Variants in BRD4 observed in about 807,000 individuals in gnomAD.
BRD4 encodes the protein bromodomain-containing protein 4.
A neutral mutation model predicts 142.1 loss-of-function variants in BRD4; 16 were observed. That is an observed-to-expected ratio of 0.11 (90% confidence interval 0.08 to 0.17). The LOEUF (loss-of-function observed/expected upper bound fraction) is 0.17, where lower values mean the gene tolerates loss of function less well. BRD4 is among the 10% of genes least tolerant of loss of function. BRD4 has a pLI of 1.00. For synonymous variants in BRD4, 833 were observed against 707.5 expected, an observed-to-expected ratio of 1.18 and a Z score of -2.82; for missense variants, 1,424 against 1,810.9, an observed-to-expected ratio of 0.79 and a Z score of 3.88.
chr19:15,239,293 A>AG lies in BRD4; in HGVS notation c.3577-30dup. 6.2e-7 allele frequency: 1 copy of AG among 1,612,782 alleles called. No individual in the cohort carries two copies. The highest frequency in any genetic ancestry group is 8.5e-7 in the Non-Finnish European group (1 of 1,179,458). ...CAGAACAGAGAGGTTGGGGTGGGTG[A>AG]GGGGTCTGCTGTGCCTAAAGGGCAT... On this transcript the variant is annotated intron_variant, in intron 17 of 19. Coordinates refer to ENST00000679869, the MANE Select transcript of BRD4 (RefSeq NM_001379291.1). This position sits in a 1 kb window ranked among gnomAD's most constrained non-coding sequence, Gnocchi z 7.4.
At chr19:15,244,902 G>A (rs2047272330) in intron 11 of BRD4, 140 bp from the exon 12 acceptor site, 3 of 1,442,082 alleles carry the variant, frequency 2.1e-6, no homozygotes, top group Admixed American at 4.3e-5. Context: ...GTTCAATGAG[G>A]GATGAGTTGG....
intron 1 of BRD4, among the ~76,000 whole-genome samples, chr19:15,328,904 G>C (rs1251123690): frequency 6.6e-6 from 1 of 152,184 alleles, no homozygotes; most frequent in African/African-American, 2.4e-5. Context: ...CTCCCGAGTA[G>C]CTGGGATTAC....
Position 15,239,360 on chromosome 19 carries a change from GGCAA to G in BRD4, c.3576+28_3576+31del. The G allele has an allele frequency of 6.2e-7, 1 of 1,614,154 alleles. No individual in the cohort carries two copies. Among genetic ancestry groups the G allele is most frequent in the Non-Finnish European group, 8.5e-7 (1 of 1,180,034 alleles). On this transcript the variant is annotated intron_variant, in intron 17 of 19. Transcript: ENST00000679869. This position sits in a 1 kb window ranked among gnomAD's most constrained non-coding sequence, Gnocchi z 7.4. ...AGCATGGCACCTTCCAGGGCCAAGG[GGCAA>G]GCGACACCCATGGACCTCCATCCCA...
Position 15,264,672 on chromosome 19 carries a change from G to A in BRD4, c.944C>T (p.Thr315Ile). ...CTCCCGCCGCTGGCCCAGCTTGGTG[G>A]TCTTGGGCTCCGGGGGCAGCGAGGG... ...EPPSLPPEPKTTKLGQRRESS... is the reference protein window; with the variant it reads ...EPPSLPPEPKITKLGQRRESS... The change falls in exon 6 of 20, where the codon ACC becomes ATC. Residue 315 changes from threonine (T) to isoleucine (I), a missense_variant. Physicochemically the swap from Thr to Ile is moderately conservative, Grantham distance 89. Around this residue, in one of 16 missense-constraint regions of BRD4, gnomAD observed 86 missense variants for 79.9 expected, o/e 1.08. Coordinates refer to ENST00000679869, the MANE Select transcript of BRD4 (RefSeq NM_001379291.1). 1 of 1,613,666 alleles carries A rather than the reference G, an allele frequency of 6.2e-7. No individual in the cohort carries two copies. The highest frequency in any genetic ancestry group is 8.5e-7 in the Non-Finnish European group (1 of 1,180,022).
intron 1 of BRD4, among the ~76,000 whole-genome samples, chr19:15,284,319 G>A (rs1048503888): frequency 6.6e-5 from 10 of 152,180 alleles, no homozygotes; most frequent in African/African-American, 2.2e-4. Flanking sequence ...CGCAGAATGT[G>A]ACACTAAATT....
chr19:15,319,956 A>T (rs1389072739), intron 1 of BRD4, among the ~76,000 whole-genome samples: 1 of 152,146 alleles, frequency 6.6e-6, no homozygotes, highest in African/African-American at 2.4e-5. Context: ...CAAAACAAAA[A>T]AGCCATCAAT....
At chr19:15,286,205 C>G (rs909755533) in intron 1 of BRD4, among the ~76,000 whole-genome samples, 1 of 152,208 alleles carries the variant, frequency 6.6e-6, no homozygotes, top group African/African-American at 2.4e-5. Context: ...TCAGTCCAGT[C>G]CCCTCCACCC....
Position 15,243,221 on chromosome 19 carries a change from C to A in BRD4, c.2848G>T (p.Val950Leu). ...AGGGGGGGTGGGGGCTGGGACTGCACCTTCACGGAAGGGAGTAGCGGCGTA... is the reference window on the plus strand; with the variant it reads ...AGGGGGGGTGGGGGCTGGGACTGCAACTTCACGGAAGGGAGTAGCGGCGTA... ...PPTPLLPSVK[V>L]QSQPPPPLPP... Residue 950 changes from valine (V) to leucine (L), a missense_variant, in exon 14 of 20, where the codon GTG becomes TTG. This residue lies in a region of BRD4 where 598 missense variants were observed against 647.8 expected (regional missense o/e 0.92). Transcript: ENST00000679869. 3 of 1,373,452 alleles carry A rather than the reference C, an allele frequency of 2.2e-6. No homozygotes were observed. The highest frequency in any genetic ancestry group is 2.5e-5 in the Admixed American group (1 of 39,288). The allele number at this position is 1,373,452 out of a possible 1,614,324, so 85.1% of individuals were successfully genotyped here. A position where few individuals can be genotyped will look rare whatever the true frequency, so the allele number is the denominator to read the frequency against.
At position 15,254,177 on chromosome 19, in the gene BRD4, G is replaced by A. The variant is rs774752818; in HGVS notation, c.2133C>T (p.Ser711=). The A allele has an allele frequency of 6.2e-7, 1 of 1,614,204 alleles. No individual in the cohort carries two copies. The highest frequency in any genetic ancestry group is 8.5e-7 in the Non-Finnish European group (1 of 1,180,036). The change falls in exon 11 of 20, where the codon TCC becomes TCT. Residue 711 remains serine (S), a synonymous_variant. Coordinates refer to ENST00000679869, the MANE Select transcript of BRD4 (RefSeq NM_001379291.1). The stretch of plus-strand genomic sequence containing the variant: ...CTGTTTCGGAGTCTTCGCTGTCAGA[G>A]GAGCTGGACTCACTGGAGCTCTCCG... ...SESESSSESS[S]SDSEDSETEM... is the part of the protein sequence containing the mutation.
At chr19:15,286,674 T>C (rs149080358) in intron 1 of BRD4, among the ~76,000 whole-genome samples, 14 of 152,320 alleles carry the variant, frequency 9.2e-5, no homozygotes, top group African/African-American at 3.4e-4. Flanking sequence ...ACCCAAAATA[T>C]GTGATCTGTA....
chr19:15,264,289 C>G, intron 6 of BRD4, 115 bp downstream of exon 6: 3 of 1,413,370 alleles, frequency 2.1e-6, no homozygotes, highest in Admixed American at 2.3e-5. Context: ...GAAAAATCCA[C>G]GCAGCCACCG....
rs2047209423 is a variant in BRD4, at chr19:15,238,222, C to T, written c.*155G>A. ...TAAGGCAGACAGGCTCTGCAATCCTCAGCTGCCCGTCAGGCCTGCCCCGGG... is the reference window on the plus strand; with the variant it reads ...TAAGGCAGACAGGCTCTGCAATCCTTAGCTGCCCGTCAGGCCTGCCCCGGG... On this transcript the variant is annotated 3_prime_UTR_variant, in exon 20 of 20. Coordinates refer to ENST00000679869, the MANE Select transcript of BRD4 (RefSeq NM_001379291.1). The surrounding 1 kb of genome is among the most constrained non-coding windows in gnomAD (Gnocchi z 7.2). 8.0e-7 allele frequency: 1 copy of T among 1,247,718 alleles called. No individual in the cohort carries two copies. The highest frequency in any genetic ancestry group is 1.5e-5 in the African/African-American group (1 of 65,866). The allele number at this position is 1,247,718 out of a possible 1,614,324, so 77.3% of individuals were successfully genotyped here.
rs2047211318 is a variant in BRD4 at position 15,238,469 on chromosome 19, G to A, written c.4021-24C>T. The A allele has an allele frequency of 1.2e-6, 2 of 1,613,734 alleles. No homozygotes were observed. Among genetic ancestry groups the A allele is most frequent in the Admixed American group, 1.7e-5 (1 of 59,992 alleles). Reference sequence around the variant, plus strand: ...ATCTGGAGGAGAAAGGAAGGAGGGAGTCAGGAGGATGACCTAGCCACCCTG... The same window carrying A: ...ATCTGGAGGAGAAAGGAAGGAGGGAATCAGGAGGATGACCTAGCCACCCTG... On this transcript the variant is annotated intron_variant, in intron 19 of 19. Transcript: ENST00000679869. The surrounding 1 kb of genome is among the most constrained non-coding windows in gnomAD (Gnocchi z 7.2).
At chr19:15,264,086 C>T in intron 6 of BRD4, 1 of 322,528 alleles carries the variant, frequency 3.1e-6, no homozygotes, top group East Asian at 5.3e-5. Flanking sequence ...AGCCCCAACT[C>T]CCATGGAGCA....
At chr19:15,249,167 C>T in intron 11 of BRD4, 1 of 1,566,890 alleles carries the variant, frequency 6.4e-7, no homozygotes, top group East Asian at 2.3e-5. Flanking sequence ...TGAGGAATTC[C>T]ATAACTTGAT....
intron 1 of BRD4, among the ~76,000 whole-genome samples, chr19:15,331,037 C>T (rs932722503): frequency 2.0e-5 from 3 of 152,084 alleles, no homozygotes; most frequent in African/African-American, 7.2e-5. Flanking sequence ...CATTCCAATT[C>T]TCGTGAGGCA....
chr19:15,273,822 T>TC (rs1231985514), intron 1 of BRD4, among the ~76,000 whole-genome samples: 1 of 151,372 alleles, frequency 6.6e-6, no homozygotes, highest in Non-Finnish European at 1.5e-5. Flanking sequence ...TTTTCTTTTT[T>TC]TTTTTTTTTT....
Position 15,255,578 on chromosome 19 carries a change from G to T in BRD4, c.1766C>A (p.Ala589Glu). 1 of 1,604,372 alleles carries T rather than the reference G, an allele frequency of 6.2e-7. No individual in the cohort carries two copies. Among genetic ancestry groups the T allele is most frequent in the Non-Finnish European group, 8.5e-7 (1 of 1,172,456 alleles). ...GGGAGGGGGCTTGCTCTTCATGGGC[G>T]CTGGCTCCTTCTTGCTACGAAGGGA... ...SNSNVSKKEP[A>E]PMKSKPPPTY... The change falls in exon 10 of 20, where the codon GCG (alanine) becomes GAG (glutamate). Residue 589 changes from alanine (A) to glutamate (E), a missense_variant. Ala to Glu is a moderately radical substitution (Grantham distance 107). This residue lies in a region of BRD4 where 86 missense variants were observed against 78.9 expected (regional missense o/e 1.09). Coordinates refer to ENST00000679869, the MANE Select transcript of BRD4 (RefSeq NM_001379291.1).
intron 11 of BRD4, among the ~76,000 whole-genome samples, chr19:15,249,716 G>C (rs1479027411): frequency 6.6e-6 from 1 of 152,128 alleles, no homozygotes; most frequent in Non-Finnish European, 1.5e-5. Flanking sequence ...TGCTGACTCT[G>C]AGCTCATCTC....
Sources: gnomAD v4.1 joint callset for allele counts (sites outside exome capture counted in the v4.1 genomes callset) on GRCh38, gnomAD v4.1.1 for gene constraint, gnomAD v4.1.1 regional missense constraint, Gnocchi (gnomAD v3.1) non-coding constraint, MANE v1.5 for transcripts, NCBI Gene and HGNC (gene_info 2026-07-23, HGNC 2026-07-21) for gene names.